The following BBIP1 variants were observed in gnomAD, a reference collection of about 807,000 sequenced individuals.
The protein encoded by BBIP1 is BBSome interacting protein 1.
A neutral mutation model predicts 8.9 loss-of-function variants in BBIP1; 6 were observed. The ratio of observed to expected loss-of-function variants is 0.67; its 90% CI spans 0.37 to 1.33. The LOEUF (loss-of-function observed/expected upper bound fraction) is 1.33. Ranked by LOEUF, BBIP1 falls within the 40% of genes most tolerant of loss-of-function variation. The pLI, the probability that BBIP1 is intolerant of heterozygous loss-of-function variation, is 0.02. For synonymous variants in BBIP1, 32 were observed against 33.4 expected, an observed-to-expected ratio of 0.96 and a Z score of 0.14; for missense variants, 111 against 109.2, an observed-to-expected ratio of 1.02 and a Z score of -0.07.
At chr10:110,917,853 G>A in intron 2 of BBIP1, 1 of 518,684 alleles carries the variant, frequency 1.9e-6, no homozygotes, top group Non-Finnish European at 3.5e-6. Context: ...CATACTGATT[G>A]TCATAAAAGA....
chr10:110,906,264 C>T (rs1846133774), intron 2 of BBIP1, among the ~76,000 whole-genome samples: 1 of 152,288 alleles, frequency 6.6e-6, no homozygotes, highest in African/African-American at 2.4e-5. Context: ...CCTCGGCCTC[C>T]CAAAGTGCTG....
Position 110,901,537 on chromosome 10 carries a change from C to A in BBIP1, c.112+1G>T, listed in dbSNP as rs1362212682. The A allele has an allele frequency of 1.3e-6, 2 of 1,529,534 alleles. No homozygotes were observed. Among genetic ancestry groups the A allele is most frequent in the Non-Finnish European group, 1.8e-6 (2 of 1,141,048 alleles). 94.7% of individuals were successfully genotyped at this position (1,529,534 alleles called of 1,614,324 possible). A position where few individuals can be genotyped will look rare whatever the true frequency, so the allele number is the denominator to read the frequency against. Reference sequence around the variant, plus strand: ...GACCTCAATATTTGTGATGTACATACCTTGCTTTGGAAGAACTTCCCGGAA... The same window carrying A: ...GACCTCAATATTTGTGATGTACATAACTTGCTTTGGAAGAACTTCCCGGAA... On this transcript the variant is annotated splice_donor_variant, in intron 3 of 3. Coordinates refer to ENST00000448814, the MANE Select transcript of BBIP1 (RefSeq NM_001195305.3). LOFTEE classifies it high-confidence loss of function.
intron 2 of BBIP1, 90 bp downstream of exon 2, chr10:110,918,030 TG>T: frequency 8.8e-7 from 1 of 1,133,946 alleles, no homozygotes; most frequent in Non-Finnish European, 1.3e-6. Context: ...TTGGCTGGCG[TG>T]TAAGTACTAA....
Position 110,907,668 on chromosome 10 carries a change from ATTGT to A in BBIP1, c.38-6060_38-6057del, listed in dbSNP as rs1247630973. ...ATAAAAGTTTAGGATCTGAAAAGTG[ATTGT>A]TCTTAACCTCGCTTGCTTGTATACC... is the stretch of plus-strand genomic sequence containing the variant. On this transcript the variant is annotated intron_variant, in intron 2 of 3. Transcript: ENST00000448814. 9.0e-6 allele frequency: 6 copies of A among 664,646 alleles called. No homozygotes were observed. The highest frequency in any genetic ancestry group is 1.6e-5 in the Non-Finnish European group (6 of 370,274). 41.2% of individuals were successfully genotyped at this position (664,646 alleles called of 1,614,324 possible).
chr10:110,906,182 A>T (rs1846131145), intron 2 of BBIP1, among the ~76,000 whole-genome samples: 1 of 151,392 alleles, frequency 6.6e-6, no homozygotes, highest in African/African-American at 2.4e-5. Flanking sequence ...TGTTTTGTGT[A>T]TTTCTAGTAG....
chr10:110,907,437 C>A (rs1481382651), intron 2 of BBIP1: 1 of 296,744 alleles, frequency 3.4e-6, no homozygotes, highest in Non-Finnish European at 6.2e-6. Context: ...ACTGCTTGAG[C>A]CTGAGTTTTA....
chr10:110,907,819 T>C, intron 2 of BBIP1: 2 of 697,552 alleles, frequency 2.9e-6, no homozygotes, highest in Non-Finnish European at 2.6e-6. Flanking sequence ...ATTCCATAGT[T>C]ATTAAATTTG....
At chr10:110,916,749 A>G (rs1846412695) in intron 2 of BBIP1, among the ~76,000 whole-genome samples, 1 of 152,348 alleles carries the variant, frequency 6.6e-6, no homozygotes, top group Non-Finnish European at 1.5e-5. Context: ...TTTACTGCAG[A>G]AAGTCATTGC....
At chr10:110,909,594 A>C (rs1846226052) in intron 2 of BBIP1, among the ~76,000 whole-genome samples, 1 of 152,248 alleles carries the variant, frequency 6.6e-6, no homozygotes. Flanking sequence ...TCCTTCGCTA[A>C]GATCTTCCCT....
intron 2 of BBIP1, chr10:110,903,430 T>C (rs1810782): frequency 0.99 from 150,761 of 152,422 alleles, 74,579 homozygotes; most frequent in East Asian, 1. Flanking sequence ...TGGGGGAGAT[T>C]AGTGCCAGTC....
In BBIP1 at chr10:110,901,624, A is replaced by T. The variant is rs1212454766; in HGVS notation, c.38-12T>A. 1 of 1,516,322 alleles carries T rather than the reference A, an allele frequency of 6.6e-7. No individual in the cohort carries two copies. The highest frequency in any genetic ancestry group is 2.0e-5 in the Admixed American group (1 of 50,976). 93.9% of individuals were successfully genotyped at this position (1,516,322 alleles called of 1,614,324 possible). A position where few individuals can be genotyped will look rare whatever the true frequency, so the allele number is the denominator to read the frequency against. The stretch of plus-strand genomic sequence containing the variant: ...TATAGTGTTTTTTCCTTCAATGAGA[A>T]ATCAGTATTATTCAAGAATACATTC... On this transcript the variant is annotated splice_polypyrimidine_tract_variant and intron_variant, in intron 2 of 3. Transcript: ENST00000448814.
intron 2 of BBIP1, chr10:110,917,829 TTA>T (rs34126773): frequency 0.99 from 398,143 of 400,240 alleles, 198,062 homozygotes; most frequent in East Asian, 1. Flanking sequence ...ATAAGCGCTA[TTA>T]TATATATATA....
At chr10:110,908,017 T>G in intron 2 of BBIP1, 1 of 425,746 alleles carries the variant, frequency 2.3e-6, no homozygotes, top group South Asian at 4.6e-5. Context: ...AGAACACACT[T>G]TGTATTCCTA....
At position 110,900,047 on chromosome 10, in the gene BBIP1, T is replaced by G. The variant is rs1054747491; in HGVS notation, c.*313A>C. 5 of 225,928 alleles carry G rather than the reference T, an allele frequency of 2.2e-5. No homozygotes were observed. The highest frequency in any genetic ancestry group is 3.4e-5 in the Non-Finnish European group (4 of 117,232). 14.0% of individuals were successfully genotyped at this position (225,928 alleles called of 1,614,324 possible). A position where few individuals can be genotyped will look rare whatever the true frequency, so the allele number is the denominator to read the frequency against. ...TAATCCCTTGTGCCCAAGAATGCTA[T>G]AAAAGATCCCAAGAATGTTATCTAT... On this transcript the variant is annotated 3_prime_UTR_variant, in exon 4 of 4. Transcript: ENST00000448814.
chr10:110,900,194 T>C lies in BBIP1; in HGVS notation c.*166A>G. On this transcript the variant is annotated 3_prime_UTR_variant, in exon 4 of 4. Coordinates refer to ENST00000448814, the MANE Select transcript of BBIP1 (RefSeq NM_001195305.3). ...TATGTTCAATACAAACCAGAGTGTT[T>C]ACATTCACAATACAAATTTCATCAA... The C allele has an allele frequency of 1.4e-6, 1 of 703,582 alleles. No individual in the cohort carries two copies. Among genetic ancestry groups the C allele is most frequent in the Non-Finnish European group, 2.2e-6 (1 of 455,786 alleles). 43.6% of individuals were successfully genotyped at this position (703,582 alleles called of 1,614,324 possible).
At chr10:110,918,021 T>C in intron 2 of BBIP1, 100 bp downstream of exon 2, 1 of 1,013,184 alleles carries the variant, frequency 9.9e-7, no homozygotes, top group South Asian at 1.4e-5. Context: ...TAGTTCATTT[T>C]GGCTGGCGTG....
upstream of BBIP1, chr10:110,919,353 G>T (rs934849279): frequency 8.0e-6 from 3 of 376,740 alleles, no homozygotes; most frequent in South Asian, 1.5e-4. Context: ...GGCGGGAGAC[G>T]GCGTAGAGGA....
intron 3 of BBIP1, 33 bp from the exon 4 acceptor site, chr10:110,900,559 G>A: frequency 2.0e-6 from 3 of 1,479,746 alleles, no homozygotes; most frequent in Non-Finnish European, 2.7e-6. Context: ...ATTAATTCAA[G>A]AAAGATAACC....
At chr10:110,918,652 TG>T (rs1357759039) in intron 1 of BBIP1, among the ~76,000 whole-genome samples, 2 of 152,154 alleles carry the variant, frequency 1.3e-5, no homozygotes, top group African/African-American at 4.8e-5. Flanking sequence ...TGCCTCTGGC[TG>T]GGTTAGGGCG....
Sources: allele counts gnomAD v4.1 joint callset (sites outside exome capture counted in the v4.1 genomes callset), GRCh38; gene constraint gnomAD v4.1.1; transcripts MANE v1.5; gene names NCBI Gene and HGNC (gene_info 2026-07-23, HGNC 2026-07-21).